The following NHS variants were observed in gnomAD, a reference collection of about 807,000 sequenced individuals.
The protein encoded by NHS is actin remodeling regulator NHS.
Under a neutral mutation model 72.5 loss-of-function variants are expected in NHS, and 5 were observed. The ratio of observed to expected loss-of-function variants is 0.07; its 90% CI spans 0.04 to 0.14. The LOEUF is 0.14. Ranked by LOEUF, NHS falls within the 10% of genes least tolerant of loss-of-function variation. NHS has a pLI of 1.00. For synonymous variants in NHS, 464 were observed against 547.7 expected, an observed-to-expected ratio of 0.85 and a Z score of 2.13; for missense variants, 1,072 against 1,355.7, an observed-to-expected ratio of 0.79 and a Z score of 3.29.
At chrX:17,670,766 T>C (rs1007319076) in intron 1 of NHS, among the ~76,000 whole-genome samples, 6 of 112,301 alleles carry the variant, frequency 5.3e-5, no homozygotes, top group African/African-American at 1.9e-4. Flanking sequence ...CACTGACTCA[T>C]TCCATTCGGT....
At chrX:17,635,189 G>C in intron 1 of NHS, 3 of 557,254 alleles carry the variant, frequency 5.4e-6, no homozygotes, top group Non-Finnish European at 7.1e-6. Context: ...GAGTAGCAAG[G>C]CTGTAAAGAA....
At chrX:17,647,562 T>C (rs191473672) in intron 1 of NHS, among the ~76,000 whole-genome samples, 2 of 112,274 alleles carry the variant, frequency 1.8e-5, no homozygotes, top group Non-Finnish European at 3.8e-5. Flanking sequence ...TGTCTTTGCA[T>C]ACCTTATCTT....
chrX:17,703,415 GACTT>G (rs1438107012), intron 3 of NHS, among the ~76,000 whole-genome samples: 1 of 112,598 alleles, frequency 8.9e-6, no homozygotes, highest in African/African-American at 3.2e-5. Context: ...TGAATGAAGA[GACTT>G]ACACAGACAG....
chrX:17,490,757 G>A (rs752704103), intron 1 of NHS, among the ~76,000 whole-genome samples: 7 of 112,187 alleles, frequency 6.2e-5, no homozygotes, highest in Admixed American at 9.4e-5. Flanking sequence ...CTATCCATGA[G>A]CATGGAATGT....
chrX:17,534,761 G>A (rs931156518), intron 1 of NHS, among the ~76,000 whole-genome samples: 6 of 112,384 alleles, frequency 5.3e-5, no homozygotes, highest in African/African-American at 1.9e-4. Flanking sequence ...CATGTTCAAT[G>A]TTTGTCCTTG....
At chrX:17,482,541 A>G (rs192832854) in intron 1 of NHS, among the ~76,000 whole-genome samples, 78 of 112,315 alleles carry the variant, frequency 6.9e-4, no homozygotes, top group African/African-American at 2.3e-3. Flanking sequence ...ATGGCAGAAT[A>G]TTCGTGATTG....
chrX:17,506,081 A>G (rs1015836531), intron 1 of NHS, among the ~76,000 whole-genome samples: 6 of 112,025 alleles, frequency 5.4e-5, no homozygotes, highest in Non-Finnish European at 9.4e-5. Flanking sequence ...ACAGAAATAG[A>G]ACTGAGGAAT....
Position 17,727,905 on chromosome X carries a change from T to C in NHS, c.3799T>C (p.Cys1267Arg), listed in dbSNP as rs374678440. Reference protein sequence around the residue: ...PIPENTPTKNCAFPTEGFQRV... With the variant: ...PIPENTPTKNRAFPTEGFQRV... The stretch of plus-strand genomic sequence containing the variant: ...TCCAGAAAACACGCCAACCAAAAAC[T>C]GTGCTTTTCCCACAGAAGGATTTCA... The change falls in exon 7 of 9, where the codon TGT becomes CGT. Residue 1267 changes from cysteine to arginine, a missense_variant. By Grantham distance (180) the Cys-to-Arg change is radical. Coordinates refer to ENST00000676302, the MANE Select transcript of NHS (RefSeq NM_001291867.2). 7 of 1,210,246 alleles carry C rather than the reference T, an allele frequency of 5.8e-6. No homozygotes were observed. The highest frequency in any genetic ancestry group is 6.7e-6 in the Non-Finnish European group (6 of 895,402).
chrX:17,545,280 G>C (rs1308990136), intron 1 of NHS, among the ~76,000 whole-genome samples: 1 of 112,580 alleles, frequency 8.9e-6, no homozygotes, highest in Non-Finnish European at 1.9e-5. Flanking sequence ...AATCTCAGCA[G>C]CTTAATACAA....
At chrX:17,436,837 C>G (rs1291173967) in intron 1 of NHS, among the ~76,000 whole-genome samples, 1 of 111,259 alleles carries the variant, frequency 9.0e-6, no homozygotes, top group Non-Finnish European at 1.9e-5. Context: ...GAAACAACCT[C>G]TCTTACCTCA....
chrX:17,552,153 A>T (rs889509434), intron 1 of NHS, among the ~76,000 whole-genome samples: 3 of 111,938 alleles, frequency 2.7e-5, no homozygotes, highest in African/African-American at 9.7e-5. Context: ...GCTACCTTGC[A>T]TCTTAATGCA....
chrX:17,713,998 A>C (rs1011098276), intron 3 of NHS, among the ~76,000 whole-genome samples: 1 of 111,529 alleles, frequency 9.0e-6, no homozygotes, highest in Admixed American at 9.6e-5. Flanking sequence ...GATGAAGTGA[A>C]GGCATCAAAA....
chrX:17,579,159 C>G (rs2065529149), intron 1 of NHS, among the ~76,000 whole-genome samples: 2 of 112,207 alleles, frequency 1.8e-5, no homozygotes, highest in Non-Finnish European at 3.8e-5. Context: ...TCATATCATT[C>G]TGGCCGGGAA....
chrX:17,458,288 C>T (rs1187190923), intron 1 of NHS, among the ~76,000 whole-genome samples: 6 of 111,522 alleles, frequency 5.4e-5, no homozygotes, highest in Admixed American at 9.4e-5. Context: ...AGTGCAGTGG[C>T]GAGATCTCGG....
In NHS at chrX:17,724,393, C is replaced by T. The variant is rs752791692; in HGVS notation, c.1203C>T (p.Thr401=). 4.1e-6 allele frequency: 5 copies of T among 1,210,351 alleles called. No individual in the cohort carries two copies. The East Asian group carries it at 1.5e-4, about 36-fold the overall frequency. ...QRRRKLRRRK[T]ISGIPRRVQQ... is the part of the protein sequence containing the mutation. ...GACGAAAATTGAGGAGGAGGAAAAC[C>T]ATCTCGGGTATCCCCAGAAGAGTTC... The change falls in exon 6 of 9, where the codon ACC becomes ACT. Residue 401 remains threonine (T), a synonymous_variant. Transcript: ENST00000676302.
At chrX:17,629,287 AGTT>A (rs2065813714) in intron 1 of NHS, among the ~76,000 whole-genome samples, 1 of 111,742 alleles carries the variant, frequency 8.9e-6, no homozygotes, top group Admixed American at 9.5e-5. Flanking sequence ...CTTCCTCCTG[AGTT>A]GAAATTAATC....
At chrX:17,498,214 G>C (rs1029625468) in intron 1 of NHS, among the ~76,000 whole-genome samples, 1 of 111,953 alleles carries the variant, frequency 8.9e-6, no homozygotes, top group African/African-American at 3.3e-5. Flanking sequence ...TCTCCAATGT[G>C]GTCTTTCCAA....
At chrX:17,676,498 G>C (rs914774558) in intron 1 of NHS, among the ~76,000 whole-genome samples, 2 of 112,801 alleles carry the variant, frequency 1.8e-5, no homozygotes, top group African/African-American at 6.4e-5. Context: ...AAACAGATTT[G>C]TGTCATTCAC....
intron 3 of NHS, among the ~76,000 whole-genome samples, chrX:17,718,795 G>T (rs2066384537): frequency 1.1e-5 from 1 of 88,998 alleles, no homozygotes; most frequent in African/African-American, 4.3e-5. Context: ...AGGGAAAGAA[G>T]GAAGGAAGGG....
Sources: gnomAD v4.1 joint callset for allele counts (sites outside exome capture counted in the v4.1 genomes callset) on GRCh38, gnomAD v4.1.1 for gene constraint, MANE v1.5 for transcripts, NCBI Gene and HGNC (gene_info 2026-07-23, HGNC 2026-07-21) for gene names.